DMD: variants seen among roughly 807,000 people sequenced by gnomAD.
DMD encodes dystrophin, also known as mutant dystrophin.
Under a neutral mutation model 330.1 loss-of-function variants are expected in DMD, and 63 were observed. That is an observed-to-expected ratio of 0.19 (90% CI 0.16 to 0.24). The LOEUF is 0.24. Ranked by LOEUF, DMD falls within the 10% of genes least tolerant of loss-of-function variation. DMD has a pLI of 1.00. For missense variants in DMD, 3,344 were observed against 2,684.1 expected, an observed-to-expected ratio of 1.25 and a Z score of -5.43; for synonymous variants, 1,223 against 959.8, an observed-to-expected ratio of 1.27 and a Z score of -5.07.
chrX:32,641,198 C>T (rs761407077), intron 11 of DMD, among the ~76,000 whole-genome samples: 8 of 110,673 alleles, frequency 7.2e-5, no homozygotes, highest in Non-Finnish European at 1.1e-4. Context: ...TATCACATTA[C>T]ATTTTAATCT....
rs116505509 is a variant in DMD, at chrX:32,069,443, A to G, written c.6439-100929T>C. ...ATGGTAGAATTGAGTGTTGAATACA[A>G]TAAAATATTCTAATAGCAATAGATT... On this transcript the variant is annotated intron_variant, in intron 44 of 78. Transcript: ENST00000357033. Among the ~76,000 whole-genome samples the G allele has an allele frequency of 7.4e-4, 83 of 112,071 alleles. 1 individual carries two copies. Among genetic ancestry groups the G allele is most frequent in the African/African-American group, 2.7e-3 (82 of 30,927 alleles).
intron 44 of DMD, among the ~76,000 whole-genome samples, chrX:32,099,435 G>A (rs1010079336): frequency 1.5e-4 from 16 of 110,288 alleles, no homozygotes; most frequent in East Asian, 5.8e-4. Context: ...ATAAAGACAC[G>A]TGCACACATA....
intron 53 of DMD, among the ~76,000 whole-genome samples, chrX:31,662,642 T>C (rs1338371964): frequency 1.2e-5 from 1 of 83,477 alleles, no homozygotes; most frequent in African/African-American, 4.4e-5. Context: ...AGAAAGGCAG[T>C]GCAGAGTAAC....
intron 2 of DMD, among the ~76,000 whole-genome samples, chrX:32,976,175 C>T (rs1481785546): frequency 1.8e-5 from 2 of 108,266 alleles, no homozygotes; most frequent in East Asian, 2.9e-4. Context: ...GAATTGAGAT[C>T]GCGCCTCTGC....
At chrX:32,394,910 A>AAAAC (rs371961157) in intron 30 of DMD, among the ~76,000 whole-genome samples, 2,564 of 30,206 alleles carry the variant, frequency 0.085, 79 homozygotes, top group Non-Finnish European at 0.099. Flanking sequence ...GCAAAAAACA[A>AAAAC]AAAAACAAAA....
chrX:31,559,619 C>T lies in DMD; in HGVS notation c.8218-52166G>A, dbSNP rs1200050087. ...TCGCGCCACTGCACTCCAGCCTGGG[C>T]GACAGAGCGAAACTCCGTCTCAAAA... On this transcript the variant is annotated intron_variant, in intron 55 of 78. Transcript: ENST00000357033. Among the ~76,000 whole-genome samples, 20 of 68,727 alleles carry T rather than the reference C, an allele frequency of 2.9e-4. 4 individuals are homozygous for T. The highest frequency in any genetic ancestry group is 1.2e-3 in the African/African-American group (20 of 16,846). 59.7% of individuals were successfully genotyped at this position (68,727 alleles called of 115,157 possible).
At chrX:31,341,891 GCACACACACACACA>G (rs58867858) in intron 61 of DMD, among the ~76,000 whole-genome samples, 10 of 98,875 alleles carry the variant, frequency 1.0e-4, no homozygotes, top group East Asian at 3.3e-4. Context: ...GTGCGCGCGC[GCACACACACACACA>G]CACACACACA....
At chrX:31,482,397 C>G (rs755218092) in intron 57 of DMD, among the ~76,000 whole-genome samples, 1 of 110,998 alleles carries the variant, frequency 9.0e-6, no homozygotes, top group South Asian at 3.8e-4. Context: ...ACGTTGAGTG[C>G]CTACATATCA....
chrX:31,573,290 T>C (rs1006612959), intron 55 of DMD, among the ~76,000 whole-genome samples: 1 of 112,122 alleles, frequency 8.9e-6, no homozygotes, highest in African/African-American at 3.2e-5. Context: ...CACACAATTC[T>C]AATTTAATGA....
chrX:33,018,471 A>G (rs2093847944), intron 2 of DMD, among the ~76,000 whole-genome samples: 1 of 111,984 alleles, frequency 8.9e-6, no homozygotes, highest in African/African-American at 3.2e-5. Context: ...ATTGGATATC[A>G]AGCTTTGATT....
intron 61 of DMD, among the ~76,000 whole-genome samples, chrX:31,332,538 G>A (rs1401547793): frequency 8.9e-6 from 1 of 112,091 alleles, no homozygotes; most frequent in Non-Finnish European, 1.9e-5. Flanking sequence ...CTACTAACAT[G>A]CAAAGATTAA....
chrX:32,533,929 G>A (rs1314219800), intron 17 of DMD, among the ~76,000 whole-genome samples: 1 of 111,571 alleles, frequency 9.0e-6, no homozygotes, highest in Non-Finnish European at 1.9e-5. Flanking sequence ...GTTCCAAAAG[G>A]ATCTAGTGCA....
intron 34 of DMD, among the ~76,000 whole-genome samples, chrX:32,371,401 C>T (rs969495222): frequency 3.6e-5 from 4 of 110,148 alleles, no homozygotes; most frequent in Non-Finnish European, 3.8e-5. Flanking sequence ...ATAAAACAGG[C>T]GGTAGGATGA....
chrX:31,522,363 C>CTCTCTCTATATATA, intron 55 of DMD, among the ~76,000 whole-genome samples: 119 of 35,934 alleles, frequency 3.3e-3, no homozygotes, highest in East Asian at 3.9e-3. Context: ...CTCTCTCTCT[C>CTCTCTCTATATATA]TATATATATA....
At chrX:33,300,533 C>T (rs770380637) in intron 1 of DMD, among the ~76,000 whole-genome samples, 53 of 111,888 alleles carry the variant, frequency 4.7e-4, no homozygotes, top group Middle Eastern at 4.7e-3. Context: ...TCTTCTCAAA[C>T]TTCATATGTT....
intron 50 of DMD, among the ~76,000 whole-genome samples, chrX:31,807,522 T>C (rs1262623966): frequency 9.1e-6 from 1 of 110,394 alleles, no homozygotes; most frequent in African/African-American, 3.3e-5. Flanking sequence ...TCTCTCCTGA[T>C]TGCCTTCTAT....
intron 75 of DMD, 111 bp from the exon 76 acceptor site, chrX:31,146,525 T>G (rs2147924068): frequency 2.6e-6 from 2 of 763,012 alleles, no homozygotes; most frequent in Non-Finnish European, 3.9e-6. Flanking sequence ...CTTCCTACTT[T>G]AGAAGCCCTC....
At chrX:32,723,423 A>T (rs2066539483) in intron 7 of DMD, among the ~76,000 whole-genome samples, 1 of 111,342 alleles carries the variant, frequency 9.0e-6, no homozygotes, top group African/African-American at 3.3e-5. Context: ...ATTTAGGGTG[A>T]TGCTGAAGTC....
At chrX:32,044,598 A>G (rs1353678898) in intron 44 of DMD, among the ~76,000 whole-genome samples, 3 of 109,208 alleles carry the variant, frequency 2.7e-5, no homozygotes, top group Non-Finnish European at 5.7e-5. Flanking sequence ...ATTTTTTTGT[A>G]TTTTTAGTAG....
Sources: gnomAD v4.1 joint callset for allele counts (sites outside exome capture counted in the v4.1 genomes callset) on GRCh38, gnomAD v4.1.1 for gene constraint, MANE v1.5 for transcripts, NCBI Gene and HGNC (gene_info 2026-07-23, HGNC 2026-07-21) for gene names.